Variants in FGF12 observed in about 807,000 individuals in gnomAD.
FGF12 encodes fibroblast growth factor 12, also known as fibroblast growth factor 12B.
FGF12 carries 14 observed loss-of-function variants against 23.6 expected under a neutral mutation model. The observed-to-expected ratio is 0.59, with a 90% CI of 0.39 to 0.93. The LOEUF (loss-of-function observed/expected upper bound fraction) is 0.93. Ranked by LOEUF, FGF12 falls within the 40% of genes least tolerant of loss-of-function variation. The pLI, the probability that FGF12 is intolerant of heterozygous loss-of-function variation, is 0.00. For missense variants in FGF12, 175 were observed against 217.8 expected, an observed-to-expected ratio of 0.80 and a Z score of 1.24; for synonymous variants, 62 against 77.3, an observed-to-expected ratio of 0.80 and a Z score of 1.04.
rs1201739223 is a variant in FGF12, at chr3:192,588,349, C to CAAA, written c.13+138829_13+138831dup. On this transcript the variant is annotated intron_variant, in intron 2 of 5. Coordinates refer to ENST00000445105, the MANE Select transcript of FGF12 (RefSeq NM_004113.6). Reference sequence around the variant, plus strand: ...TGGGCGACAGAGCAACAATCCGTCTCAAAAAAAAAAAAAAAAAAGAAAAAA... The same window carrying CAAA: ...TGGGCGACAGAGCAACAATCCGTCTCAAAAAAAAAAAAAAAAAAAAAGAAAAAA... Among the ~76,000 whole-genome samples the CAAA allele has an allele frequency of 3.2e-3, 217 of 66,956 alleles. 6 individuals carry two copies. Among genetic ancestry groups the CAAA allele is most frequent in the Middle Eastern group, 0.012 (1 of 86 alleles). The allele number at this position is 66,956 out of a possible 152,430, so 43.9% of individuals were successfully genotyped here.
At chr3:192,170,392 C>T in intron 5 of FGF12, 66 bp downstream of exon 5, 1 of 1,377,280 alleles carries the variant, frequency 7.3e-7, no homozygotes, top group Non-Finnish European at 1.0e-6. Flanking sequence ...ACCAAAAGGG[C>T]AAGAAGCAGA....
chr3:192,202,326 C>G (rs1392166774), intron 4 of FGF12, among the ~76,000 whole-genome samples: 1 of 152,280 alleles, frequency 6.6e-6, no homozygotes, highest in East Asian at 1.9e-4. Context: ...GTTTTGATGT[C>G]AGGCTTTGGA....
At chr3:192,432,620 CAAAAAAAAAAA>C (rs201364119) in intron 2 of FGF12, among the ~76,000 whole-genome samples, 1 of 106,730 alleles carries the variant, frequency 9.4e-6, no homozygotes. Context: ...TGACATCTGG[CAAAAAAAAAAA>C]AAAAAAAAAA....
chr3:192,552,839 C>A (rs1053123654), intron 2 of FGF12, among the ~76,000 whole-genome samples: 1 of 151,858 alleles, frequency 6.6e-6, no homozygotes, highest in South Asian at 2.1e-4. Context: ...TGCAGTGAGC[C>A]GAGATCATGC....
intron 2 of FGF12, among the ~76,000 whole-genome samples, chr3:192,421,861 T>C (rs914452964): frequency 5.9e-5 from 9 of 152,040 alleles, no homozygotes; most frequent in African/African-American, 1.9e-4. Context: ...CGAAACTCTC[T>C]TGAAGCTGCT....
chr3:192,615,664 T>C (rs1714728380), intron 2 of FGF12, among the ~76,000 whole-genome samples: 1 of 152,084 alleles, frequency 6.6e-6, no homozygotes, highest in Admixed American at 6.6e-5. Context: ...AAAATATATA[T>C]ACAAGAATAT....
At chr3:192,268,386 G>C (rs902640971) in intron 4 of FGF12, among the ~76,000 whole-genome samples, 2 of 152,162 alleles carry the variant, frequency 1.3e-5, no homozygotes, top group African/African-American at 4.8e-5. Context: ...GTGGGATAGA[G>C]AGCTCTTTTC....
chr3:192,307,597 A>G (rs1577339654), intron 4 of FGF12, among the ~76,000 whole-genome samples: 1 of 152,204 alleles, frequency 6.6e-6, no homozygotes, highest in East Asian at 1.9e-4. Flanking sequence ...AAAACAAACC[A>G]AACAACAATA....
chr3:192,652,438 C>T (rs185181041), intron 2 of FGF12, among the ~76,000 whole-genome samples: 9 of 152,272 alleles, frequency 5.9e-5, no homozygotes, highest in Admixed American at 5.2e-4. Context: ...GAGTGGGCAT[C>T]GTTTTGTTCA....
chr3:192,431,807 T>A (rs541664141), intron 2 of FGF12, among the ~76,000 whole-genome samples: 10 of 152,342 alleles, frequency 6.6e-5, no homozygotes, highest in Non-Finnish European at 7.3e-5. Flanking sequence ...CTTGTCCCAT[T>A]GCTTATCAGA....
chr3:192,534,136 T>C (rs1386498218), intron 2 of FGF12: 1 of 156,748 alleles, frequency 6.4e-6, no homozygotes, highest in East Asian at 1.7e-4. Context: ...TTAAAAAAAG[T>C]AATTTTACTC....
chr3:192,458,028 T>C (rs1402330333), intron 2 of FGF12, among the ~76,000 whole-genome samples: 2 of 152,210 alleles, frequency 1.3e-5, no homozygotes, highest in Non-Finnish European at 2.9e-5. Context: ...TCCCCAAGCC[T>C]TGGCAGCTTC....
rs538703728 is a variant in FGF12, at chr3:192,409,768, C to G, written c.14-49230G>C. On this transcript the variant is annotated intron_variant, in intron 2 of 5. Transcript: ENST00000445105. The surrounding 1 kb of genome is among the most constrained non-coding windows in gnomAD (Gnocchi z 4.8). ...TCCTGGGGCTACCTCGCGAGGCAGC[C>G]GAGGGCGCAACCCGGGCGCTTGGGG... is the stretch of plus-strand genomic sequence containing the variant. Among the ~76,000 whole-genome samples the G allele has an allele frequency of 3.9e-5, 6 of 152,154 alleles. No homozygotes were observed. The South Asian group carries it at 1.2e-3, about 32-fold the overall frequency.
At position 192,416,566 on chromosome 3, in the gene FGF12, A is replaced by G. The variant is rs143101282; in HGVS notation, c.14-56028T>C. On this transcript the variant is annotated intron_variant, in intron 2 of 5. Coordinates refer to ENST00000445105, the MANE Select transcript of FGF12 (RefSeq NM_004113.6). The stretch of plus-strand genomic sequence containing the variant: ...GATGTTTGTATGGAGGAAATACAGC[A>G]TATTTCATTTAAATATCCCTAAATT... Among the ~76,000 whole-genome samples the G allele has an allele frequency of 3.2e-3, 493 of 152,274 alleles. 5 individuals carry two copies. Among genetic ancestry groups the G allele is most frequent in the African/African-American group, 9.9e-3 (413 of 41,570 alleles).
At chr3:192,455,168 A>G (rs1722641490) in intron 2 of FGF12, among the ~76,000 whole-genome samples, 1 of 152,196 alleles carries the variant, frequency 6.6e-6, no homozygotes, top group Non-Finnish European at 1.5e-5. Context: ...GAAGAATAAT[A>G]TGATGTACAG....
At chr3:192,181,364 G>C (rs999130935) in intron 4 of FGF12, among the ~76,000 whole-genome samples, 36 of 142,766 alleles carry the variant, frequency 2.5e-4, no homozygotes, top group Non-Finnish European at 4.8e-4. Flanking sequence ...CACACACACA[G>C]ACACACACAC....
chr3:192,251,512 C>T (rs1560035424), intron 4 of FGF12, among the ~76,000 whole-genome samples: 3 of 152,098 alleles, frequency 2.0e-5, no homozygotes, highest in Non-Finnish European at 2.9e-5. Context: ...AATGACTGTA[C>T]ATGTCCACCA....
chr3:192,540,331 G>C (rs1725335213), intron 2 of FGF12, among the ~76,000 whole-genome samples: 1 of 151,882 alleles, frequency 6.6e-6, no homozygotes, highest in African/African-American at 2.4e-5. Context: ...GTTTCAGTGT[G>C]TCGTGTCTCC....
At position 192,214,710 on chromosome 3, in the gene FGF12, A is replaced by G. The variant is rs1349392354; in HGVS notation, c.229-44054T>C. 4.6e-5 allele frequency among the ~76,000 whole-genome samples: 7 copies of G among 152,374 alleles called. No homozygotes were observed. The South Asian group carries it at 1.4e-3, about 32-fold the overall frequency. On this transcript the variant is annotated intron_variant, in intron 4 of 5. Coordinates refer to ENST00000445105, the MANE Select transcript of FGF12 (RefSeq NM_004113.6). ...AAGTTGTTAAAAATGCCAACTCATA[A>G]GCATTGTTAGTCCAAGGCCAACAGC...
Sources: allele counts gnomAD v4.1 joint callset (sites outside exome capture counted in the v4.1 genomes callset), GRCh38; gene constraint gnomAD v4.1.1; non-coding constraint Gnocchi (gnomAD v3.1); transcripts MANE v1.5; gene names NCBI Gene and HGNC (gene_info 2026-07-23, HGNC 2026-07-21).